The following AMPD3 variants were observed in gnomAD, a reference collection of about 807,000 sequenced individuals.
AMPD3 encodes AMP deaminase 3.
Under a neutral mutation model 82.3 loss-of-function variants are expected in AMPD3, and 57 were observed. The observed-to-expected ratio is 0.69, with a 90% confidence interval of 0.56 to 0.86. The LOEUF is 0.86. AMPD3 is among the 40% of genes least tolerant of loss of function. AMPD3 has a pLI of 0.00. For missense variants in AMPD3, 870 were observed against 1,003.8 expected, an observed-to-expected ratio of 0.87 and a Z score of 1.80; for synonymous variants, 381 against 394.7, an observed-to-expected ratio of 0.97 and a Z score of 0.41.
rs1186750752 is a variant in AMPD3 at position 10,487,490 on chromosome 11, C to G, written c.939+126C>G. The G allele has an allele frequency of 1.1e-5, 15 of 1,375,526 alleles. No individual in the cohort carries two copies. The Admixed American group carries it at 2.5e-4, about 23-fold the overall frequency. The allele number at this position is 1,375,526 out of a possible 1,614,324, so 85.2% of individuals were successfully genotyped here. On this transcript the variant is annotated intron_variant, in intron 6 of 14. Transcript: ENST00000396553. ...AGGGCTCCTTGCTAAGGGCGGCCTT[C>G]GTGGCCAGAGGGGTATGAAGCATAT...
intron 2 of AMPD3, chr11:10,476,841 A>T (rs144573848): frequency 5.6e-6 from 5 of 885,760 alleles, no homozygotes; most frequent in Admixed American, 6.2e-5. Flanking sequence ...GCTCCATTTG[A>T]TGGAGGACAG....
chr11:10,495,381 C>T (rs1849363047), intron 8 of AMPD3, 189 bp from the exon 9 acceptor site: 1 of 984,498 alleles, frequency 1.0e-6, no homozygotes, highest in African/African-American at 1.7e-5. Context: ...GCCTTCCTCA[C>T]CAGAGGGGGC....
intron 2 of AMPD3, among the ~76,000 whole-genome samples, chr11:10,467,828 A>G (rs1252271125): frequency 2.0e-5 from 3 of 152,088 alleles, no homozygotes; most frequent in Admixed American, 6.6e-5. Context: ...CTCTGCAGAA[A>G]CCCTACAAGC....
chr11:10,465,703 T>C (rs1848399155), intron 2 of AMPD3, among the ~76,000 whole-genome samples: 1 of 152,196 alleles, frequency 6.6e-6, no homozygotes, highest in African/African-American at 2.4e-5. Context: ...GCTTTTCCCA[T>C]GGTCCTTGCA....
At chr11:10,494,092 A>G (rs1849319792) in intron 7 of AMPD3, among the ~76,000 whole-genome samples, 1 of 152,248 alleles carries the variant, frequency 6.6e-6, no homozygotes, top group Non-Finnish European at 1.5e-5. Flanking sequence ...GTGTTCATCA[A>G]CAGATGAATG....
intron 2 of AMPD3, among the ~76,000 whole-genome samples, chr11:10,472,207 A>G (rs1400509971): frequency 6.6e-6 from 1 of 152,056 alleles, no homozygotes; most frequent in African/African-American, 2.4e-5. Context: ...AAAACCAAAC[A>G]TCGCATGTTC....
In AMPD3 at chr11:10,461,547, A is replaced by G; in HGVS notation, c.28A>G (p.Ile10Val). MPRQFPKLN[I>V]SEVDEQVRLL... ...GCCGCGGCAGTTTCCCAAGCTGAAC[A>G]TCTCTGAAGTGGATGAGCAAGTCCG... Residue 10 changes from isoleucine (I) to valine (V), a missense_variant, in exon 2 of 15, where the codon ATC becomes GTC. Transcript: ENST00000396553. The G allele has an allele frequency of 3.1e-6, 5 of 1,614,210 alleles. No individual in the cohort carries two copies. The highest frequency in any genetic ancestry group is 3.4e-6 in the Non-Finnish European group (4 of 1,180,028).
At position 10,456,672 on chromosome 11, in the gene AMPD3, G is replaced by A. The variant is rs1326996196; in HGVS notation, c.-6+1224G>A. The A allele has an allele frequency of 4.2e-6, 4 of 951,512 alleles. No individual in the cohort carries two copies. Among genetic ancestry groups the A allele is most frequent in the Non-Finnish European group, 5.0e-6 (4 of 799,186 alleles). 58.9% of individuals were successfully genotyped at this position (951,512 alleles called of 1,614,324 possible). Reference sequence around the variant, plus strand: ...GTGAATTCACAGCTAAGCCTCCCAAGCCTGCTGGCTTCAGCTGACAAAGGG... The same window carrying A: ...GTGAATTCACAGCTAAGCCTCCCAAACCTGCTGGCTTCAGCTGACAAAGGG... On this transcript the variant is annotated intron_variant, in intron 1 of 14. Coordinates refer to ENST00000396553, the MANE Select transcript of AMPD3 (RefSeq NM_001025389.2). This position sits in a 1 kb window ranked among gnomAD's most constrained non-coding sequence, Gnocchi z 4.3.
rs777496304 is a variant in AMPD3 at position 10,456,351 on chromosome 11, G to A, written c.-6+903G>A. On this transcript the variant is annotated intron_variant, in intron 1 of 14. Transcript: ENST00000396553. This position sits in a 1 kb window ranked among gnomAD's most constrained non-coding sequence, Gnocchi z 4.3. ...CTGGGTGGCAGGCAGCACCTCACCCGGGTGCATCACTTGAGTGGCATCTTC... is the reference window on the plus strand; with the variant it reads ...CTGGGTGGCAGGCAGCACCTCACCCAGGTGCATCACTTGAGTGGCATCTTC... 4.2e-5 allele frequency: 67 copies of A among 1,613,310 alleles called. No homozygotes were observed. Among genetic ancestry groups the A allele is most frequent in the East Asian group, 8.9e-5 (4 of 44,880 alleles).
intron 2 of AMPD3, among the ~76,000 whole-genome samples, chr11:10,464,136 C>T (rs755268780): frequency 9.9e-5 from 15 of 152,136 alleles, no homozygotes; most frequent in African/African-American, 2.2e-4. Flanking sequence ...TAAAAGGCTT[C>T]GGACAGTGTC....
chr11:10,460,422 T>C (rs952339484), intron 1 of AMPD3, among the ~76,000 whole-genome samples: 66 of 151,150 alleles, frequency 4.4e-4, no homozygotes, highest in Admixed American at 9.2e-4. Flanking sequence ...TTTTTTTTTT[T>C]TTGAGGCAGA....
At chr11:10,453,822 T>G (rs11042813), upstream of AMPD3, among the ~76,000 whole-genome samples, 2,690 of 152,000 alleles carry the variant, frequency 0.018, 36 homozygotes, top group Middle Eastern at 0.051. Flanking sequence ...CTCCTGACCT[T>G]GTGATCCACC....
chr11:10,502,768 C>G lies in AMPD3; in HGVS notation c.1890C>G (p.Ala630=). The G allele has an allele frequency of 6.2e-7, 1 of 1,614,220 alleles. No homozygotes were observed. Among genetic ancestry groups the G allele is most frequent in the East Asian group, 2.2e-5 (1 of 44,882 alleles). The stretch of plus-strand genomic sequence containing the variant: ...ACTACCTTGCTCAGATCCCCATTGC[C>G]ATGTCTCCTCTTAGCAACAACAGTT... ...YLYYLAQIPI[A]MSPLSNNSLF... Residue 630 remains alanine, a synonymous_variant, in exon 13 of 15, where the codon GCC becomes GCG. Coordinates refer to ENST00000396553, the MANE Select transcript of AMPD3 (RefSeq NM_001025389.2).
chr11:10,479,506 AT>A (rs1355461216), intron 3 of AMPD3, among the ~76,000 whole-genome samples: 1 of 152,184 alleles, frequency 6.6e-6, no homozygotes, highest in Non-Finnish European at 1.5e-5. Flanking sequence ...GCTTTCAAAA[AT>A]TTTTTTGGTT....
intron 5 of AMPD3, chr11:10,486,711 C>A: frequency 1.0e-6 from 1 of 985,416 alleles, no homozygotes; most frequent in Non-Finnish European, 1.2e-6. Context: ...CCAAGGTGGG[C>A]AGGTCATGCC....
At chr11:10,488,414 G>T in intron 6 of AMPD3, 20 of 985,330 alleles carry the variant, frequency 2.0e-5, no homozygotes, top group Non-Finnish European at 2.4e-5. Context: ...GGAAGTGGTG[G>T]CATTCCAGGT....
intron 2 of AMPD3, among the ~76,000 whole-genome samples, chr11:10,468,525 T>TC (rs1226922336): frequency 6.6e-6 from 1 of 152,016 alleles, no homozygotes; most frequent in African/African-American, 2.4e-5. Context: ...ATAAAGCAAG[T>TC]CTTAGAGACC....
Position 10,506,986 on chromosome 11 carries a change from G to A in AMPD3, c.*1102G>A, listed in dbSNP as rs1849728989. The A allele has an allele frequency of 6.6e-6, 1 of 152,498 alleles. No individual in the cohort carries two copies. The highest frequency in any genetic ancestry group is 1.5e-5 in the Non-Finnish European group (1 of 68,044). The allele number at this position is 152,498 out of a possible 1,614,324, so 9.4% of individuals were successfully genotyped here. A position where few individuals can be genotyped will look rare whatever the true frequency, so the allele number is the denominator to read the frequency against. ...TCCCTTATCTACTATGATGACTTCA[G>A]AAGATACAATGGTCCCAGGGGCCAA... On this transcript the variant is annotated 3_prime_UTR_variant, in exon 15 of 15. Transcript: ENST00000396553. This position sits in a 1 kb window ranked among gnomAD's most constrained non-coding sequence, Gnocchi z 4.1.
In AMPD3 at chr11:10,461,546, C is replaced by T; in HGVS notation, c.27C>T (p.Asn9=). The T allele has an allele frequency of 1.2e-6, 2 of 1,614,214 alleles. No individual in the cohort carries two copies. The highest frequency in any genetic ancestry group is 1.3e-5 in the African/African-American group (1 of 75,048). MPRQFPKL[N]ISEVDEQVRL... is the part of the protein sequence containing the mutation. ...TGCCGCGGCAGTTTCCCAAGCTGAACATCTCTGAAGTGGATGAGCAAGTCC... is the reference window on the plus strand; with the variant it reads ...TGCCGCGGCAGTTTCCCAAGCTGAATATCTCTGAAGTGGATGAGCAAGTCC... Residue 9 remains asparagine, a synonymous_variant, in exon 2 of 15, where the codon AAC becomes AAT. Transcript: ENST00000396553.
Sources: gnomAD v4.1 joint callset for allele counts (sites outside exome capture counted in the v4.1 genomes callset) on GRCh38, gnomAD v4.1.1 for gene constraint, Gnocchi (gnomAD v3.1) non-coding constraint, MANE v1.5 for transcripts, NCBI Gene and HGNC (gene_info 2026-07-23, HGNC 2026-07-21) for gene names.